The following CADM2 variants were observed in gnomAD, a reference collection of about 807,000 sequenced individuals.
CADM2 encodes the protein immunoglobulin superfamily member 4D.
Under a neutral mutation model 49.8 loss-of-function variants are expected in CADM2, and 12 were observed. That is an observed-to-expected ratio of 0.24 (90% CI 0.15 to 0.39). The LOEUF is 0.39. Ranked by LOEUF, CADM2 falls within the 10% of genes least tolerant of loss-of-function variation. The pLI, the probability that CADM2 is intolerant of heterozygous loss-of-function variation, is 1.00. For synonymous variants in CADM2, 214 were observed against 175.4 expected, an observed-to-expected ratio of 1.22 and a Z score of -1.74; for missense variants, 378 against 492.3, an observed-to-expected ratio of 0.77 and a Z score of 2.20.
intron 6 of CADM2, among the ~76,000 whole-genome samples, chr3:85,917,476 G>C (rs1718510795): frequency 6.6e-6 from 1 of 152,132 alleles, no homozygotes; most frequent in South Asian, 2.1e-4. Flanking sequence ...TCAGATAGTT[G>C]TAGATATGCA....
At chr3:85,352,240 C>T (rs892878579) in intron 1 of CADM2, among the ~76,000 whole-genome samples, 9 of 151,912 alleles carry the variant, frequency 5.9e-5, no homozygotes, top group Admixed American at 2.0e-4. Context: ...CTATACATAC[C>T]GATTGTGTTG....
intron 3 of CADM2, among the ~76,000 whole-genome samples, chr3:85,875,259 A>G (rs1711657591): frequency 6.6e-6 from 1 of 152,118 alleles, no homozygotes; most frequent in African/African-American, 2.4e-5. Context: ...TTTCCTGGCA[A>G]TTTGTACTAT....
At chr3:85,910,342 A>G (rs1389360839) in intron 5 of CADM2, among the ~76,000 whole-genome samples, 1 of 152,190 alleles carries the variant, frequency 6.6e-6, no homozygotes, top group Non-Finnish European at 1.5e-5. Flanking sequence ...ATAAAAAAAG[A>G]AAATAAATGT....
intron 1 of CADM2, among the ~76,000 whole-genome samples, chr3:85,424,898 A>G (rs2036330965): frequency 1.3e-5 from 2 of 152,210 alleles, no homozygotes; most frequent in South Asian, 2.1e-4. Context: ...TTGCCTGTAT[A>G]TACTAGCCTT....
chr3:85,383,285 T>C (rs1226631610), intron 1 of CADM2, among the ~76,000 whole-genome samples: 1 of 152,098 alleles, frequency 6.6e-6, no homozygotes, highest in Non-Finnish European at 1.5e-5. Context: ...TTCTTGTTTG[T>C]TTTTTGTTTG....
chr3:85,837,401 A>G (rs948663035), intron 3 of CADM2, among the ~76,000 whole-genome samples: 7 of 150,924 alleles, frequency 4.6e-5, no homozygotes, highest in African/African-American at 1.5e-4. Flanking sequence ...CCTTTTACCT[A>G]TAATTTAATT....
chr3:85,729,020 T>C (rs558720884), intron 2 of CADM2, among the ~76,000 whole-genome samples: 4 of 152,164 alleles, frequency 2.6e-5, no homozygotes, highest in Non-Finnish European at 5.9e-5. Flanking sequence ...ATGTAGCAAC[T>C]AGCTCTTTGC....
intron 3 of CADM2, among the ~76,000 whole-genome samples, chr3:85,833,098 GT>G (rs1176151741): frequency 1.4e-4 from 21 of 151,990 alleles, no homozygotes; most frequent in African/African-American, 4.8e-4. Context: ...TTTAAATTCA[GT>G]TTATGTGGTG....
At chr3:85,907,791 A>T (rs1172491546) in intron 5 of CADM2, among the ~76,000 whole-genome samples, 1 of 151,932 alleles carries the variant, frequency 6.6e-6, no homozygotes, top group Non-Finnish European at 1.5e-5. Context: ...TACACCTGTA[A>T]TCCCAGCTAC....
chr3:85,660,686 T>G (rs1197893113), intron 1 of CADM2, among the ~76,000 whole-genome samples: 1 of 151,860 alleles, frequency 6.6e-6, no homozygotes, highest in Admixed American at 6.6e-5. Flanking sequence ...ATGGGCAAAG[T>G]ATGGGGGAAA....
At chr3:85,552,745 C>T (rs1034663808) in intron 1 of CADM2, among the ~76,000 whole-genome samples, 6 of 151,814 alleles carry the variant, frequency 4.0e-5, no homozygotes, top group Admixed American at 1.3e-4. Context: ...GGTGCGATCC[C>T]GGCTCACTGC....
chr3:85,151,783 G>T (rs2039930535), intron 1 of CADM2, among the ~76,000 whole-genome samples: 1 of 152,164 alleles, frequency 6.6e-6, no homozygotes, highest in Non-Finnish European at 1.5e-5. Flanking sequence ...TCAGGTGAGA[G>T]TCAATTTCCT....
chr3:85,816,637 T>C (rs1455943934), intron 3 of CADM2, among the ~76,000 whole-genome samples: 2 of 152,174 alleles, frequency 1.3e-5, no homozygotes, highest in Non-Finnish European at 2.9e-5. Flanking sequence ...CAAATATCAT[T>C]ACATGGCCAT....
At chr3:85,636,692 T>C (rs902788328) in intron 1 of CADM2, among the ~76,000 whole-genome samples, 1 of 152,210 alleles carries the variant, frequency 6.6e-6, no homozygotes, top group Non-Finnish European at 1.5e-5. Flanking sequence ...CCCTATCAAA[T>C]GTAGCATTTA....
chr3:84,970,476 A>ATAT (rs5850656), intron 1 of CADM2, among the ~76,000 whole-genome samples: 147,916 of 151,844 alleles, frequency 0.97, 72,060 homozygotes, highest in East Asian at 1. Flanking sequence ...CTTAAAAGTC[A>ATAT]AGTTTTTCTT....
intron 1 of CADM2, among the ~76,000 whole-genome samples, chr3:85,492,850 C>T (rs2039733969): frequency 6.6e-6 from 1 of 151,978 alleles, no homozygotes; most frequent in Non-Finnish European, 1.5e-5. Flanking sequence ...CATCTGAGCA[C>T]AAGACAGAGG....
intron 1 of CADM2, among the ~76,000 whole-genome samples, chr3:84,970,318 T>C (rs2031334566): frequency 6.6e-6 from 1 of 151,518 alleles, no homozygotes; most frequent in Non-Finnish European, 1.5e-5. Context: ...GATGGAAATA[T>C]TATCTGCCTT....
chr3:85,055,870 G>T (rs2036061458), intron 1 of CADM2, among the ~76,000 whole-genome samples: 1 of 151,968 alleles, frequency 6.6e-6, no homozygotes, highest in African/African-American at 2.4e-5. Flanking sequence ...ATTGGAAGCT[G>T]CATGGTACCT....
chr3:85,916,959 A>G (rs555539793), intron 6 of CADM2, among the ~76,000 whole-genome samples: 4 of 152,196 alleles, frequency 2.6e-5, no homozygotes, highest in Middle Eastern at 3.4e-3. Context: ...TTTTGGCTGC[A>G]TAAATGTCTT....
Sources: allele counts gnomAD v4.1 joint callset (sites outside exome capture counted in the v4.1 genomes callset), GRCh38; gene constraint gnomAD v4.1.1; transcripts MANE v1.5; gene names NCBI Gene and HGNC (gene_info 2026-07-23, HGNC 2026-07-21).